ADAMTS20: variants seen among roughly 807,000 people sequenced by gnomAD.
ADAMTS20 encodes ADAM metallopeptidase with thrombospondin type 1 motif 20, also known as A disintegrin and metalloproteinase with thrombospondin motifs 20.
A neutral mutation model predicts 260.1 loss-of-function variants in ADAMTS20; 225 were observed. That is an observed-to-expected ratio of 0.87 (90% CI 0.78 to 0.97). The LOEUF (loss-of-function observed/expected upper bound fraction) is 0.97. Among genes scored for constraint, ADAMTS20 ranks in the 50% least tolerant of loss-of-function variants. The pLI, the probability that ADAMTS20 is intolerant of heterozygous loss-of-function variation, is 0.00. For missense variants in ADAMTS20, 2,400 were observed against 2,337.7 expected (o/e 1.03, Z -0.55); for synonymous variants, 802 against 769.5 (o/e 1.04, Z -0.70).
chr12:43,411,840 TTAAAAA>T (rs1413209794), intron 28 of ADAMTS20, among the ~76,000 whole-genome samples: 1 of 152,164 alleles, frequency 6.6e-6, no homozygotes, highest in Non-Finnish European at 1.5e-5. Context: ...CATTTTGACT[TTAAAAA>T]TAACTATGTA....
intron 10 of ADAMTS20, among the ~76,000 whole-genome samples, chr12:43,464,070 A>G (rs1942111005): frequency 1.3e-5 from 2 of 152,282 alleles, no homozygotes; most frequent in South Asian, 4.1e-4. Context: ...AGGATCAACT[A>G]TTTCAATGAC....
intron 13 of ADAMTS20, 25 bp downstream of exon 13, chr12:43,452,489 C>A (rs1162667877): frequency 6.2e-7 from 1 of 1,605,094 alleles, no homozygotes; most frequent in Non-Finnish European, 8.5e-7. Flanking sequence ...AAATTTACAT[C>A]AAAGAACCAG....
chr12:43,534,491 ATT>A (rs1310650405), intron 2 of ADAMTS20, among the ~76,000 whole-genome samples: 5 of 152,160 alleles, frequency 3.3e-5, no homozygotes, highest in Admixed American at 6.6e-5. Flanking sequence ...TATACCATAC[ATT>A]TGCATGTGTG....
intron 18 of ADAMTS20, among the ~76,000 whole-genome samples, chr12:43,435,101 C>T (rs933180835): frequency 1.3e-5 from 2 of 152,130 alleles, no homozygotes; most frequent in Non-Finnish European, 2.9e-5. Context: ...TTGGTGAATA[C>T]ATGTCACTAT....
Position 43,383,833 on chromosome 12 carries a change from G to A in ADAMTS20, c.4597C>T (p.His1533Tyr). 6.2e-7 allele frequency: 1 copy of A among 1,613,858 alleles called. No homozygotes were observed. The highest frequency in any genetic ancestry group is 8.5e-7 in the Non-Finnish European group (1 of 1,179,838). ...AGCCTCCCTCTTTCCATCCCCTTGT[G>A]CTGCACACAGTCCTGACTCCAACAT... ...RRCWSQDCVQ[H>Y]KGMERGRLNC... The change falls in exon 30 of 39, where the codon CAC (histidine) becomes TAC (tyrosine). Residue 1533 changes from histidine to tyrosine, a missense_variant. Physicochemically the swap from His to Tyr is moderately conservative, Grantham distance 83 (BLOSUM62 2). Coordinates refer to ENST00000389420, the MANE Select transcript of ADAMTS20 (RefSeq NM_025003.5).
chr12:43,517,753 G>T (rs548684387), intron 3 of ADAMTS20, among the ~76,000 whole-genome samples: 2 of 152,074 alleles, frequency 1.3e-5, no homozygotes, highest in African/African-American at 4.8e-5. Flanking sequence ...TGAAGTCAAA[G>T]GCTTCCTCCA....
At chr12:43,384,469 A>T (rs1464976768) in intron 29 of ADAMTS20, among the ~76,000 whole-genome samples, 2 of 152,008 alleles carry the variant, frequency 1.3e-5, no homozygotes, top group Non-Finnish European at 1.5e-5. Flanking sequence ...AATTTTTTTT[A>T]ATACTTTAAG....
rs900493743 is a variant in ADAMTS20 at position 43,477,765 on chromosome 12, C to T, written c.1118-9060G>A. On this transcript the variant is annotated intron_variant, in intron 7 of 38. Coordinates refer to ENST00000389420, the MANE Select transcript of ADAMTS20 (RefSeq NM_025003.5). ...AAGCAATGAATAATAAGGATAGATGCTATTCTGAGGGCAAATACTGATAAA... is the reference window on the plus strand; with the variant it reads ...AAGCAATGAATAATAAGGATAGATGTTATTCTGAGGGCAAATACTGATAAA... Among the ~76,000 whole-genome samples the T allele has an allele frequency of 5.9e-5, 9 of 152,060 alleles. No individual in the cohort carries two copies. The South Asian group carries it at 6.2e-4, about 10-fold the overall frequency.
At chr12:43,505,239 T>C (rs1324997949) in intron 3 of ADAMTS20, among the ~76,000 whole-genome samples, 3 of 152,114 alleles carry the variant, frequency 2.0e-5, no homozygotes, top group African/African-American at 7.2e-5. Context: ...CAGTGATTTA[T>C]TGGATATGGC....
At chr12:43,498,194 G>A (rs1202135649) in intron 4 of ADAMTS20, among the ~76,000 whole-genome samples, 1 of 152,090 alleles carries the variant, frequency 6.6e-6, no homozygotes, top group East Asian at 1.9e-4. Context: ...CTTTAAGTAA[G>A]AAGGGTCTCT....
At chr12:43,403,522 T>A (rs1940853265) in intron 28 of ADAMTS20, among the ~76,000 whole-genome samples, 1 of 152,070 alleles carries the variant, frequency 6.6e-6, no homozygotes, top group East Asian at 1.9e-4. Context: ...GAAAAGTAAC[T>A]ATTACACTAG....
chr12:43,430,358 G>A lies in ADAMTS20; in HGVS notation c.3375C>T (p.Asp1125=). 3 of 1,611,608 alleles carry A rather than the reference G, an allele frequency of 1.9e-6. No homozygotes were observed. The highest frequency in any genetic ancestry group is 1.7e-6 in the Non-Finnish European group (2 of 1,178,678). ...AAACCATGATTCTTTTTACCTGTCT[G>A]TCACTGGGGCGACTAGCTTCATGGC... ...TECHEASRPS[D]RQSCVLTPCS... Residue 1125 remains aspartate (D), a synonymous_variant, in exon 23 of 39, where the codon GAC becomes GAT. Transcript: ENST00000389420.
chr12:43,453,977 G>C lies in ADAMTS20; in HGVS notation c.1690C>G (p.Pro564Ala), dbSNP rs370835544. The change falls in exon 12 of 39, where the codon CCT becomes GCT. Residue 564 changes from proline (P) to alanine (A), a missense_variant. Coordinates refer to ENST00000389420, the MANE Select transcript of ADAMTS20 (RefSeq NM_025003.5). ...PVNGEWGPWE[P>A]YSSCSRTCGG... ...CATGTTCTTGAACAAGAACTGTAAG[G>C]TTCCCATGGTCCCCATTCACCATTT... 3.8e-5 allele frequency: 61 copies of C among 1,613,404 alleles called. No individual in the cohort carries two copies. Among genetic ancestry groups the C allele is most frequent in the Non-Finnish European group, 5.0e-5 (59 of 1,179,726 alleles).
At position 43,527,839 on chromosome 12, in the gene ADAMTS20, A is replaced by G. The variant is rs561155868; in HGVS notation, c.613+4197T>C. Among the ~76,000 whole-genome samples the G allele has an allele frequency of 1.3e-5, 2 of 152,212 alleles. 1 individual carries two copies. The highest frequency in any genetic ancestry group is 4.8e-5 in the African/African-American group (2 of 41,572). ...TATAATACTGGAAATCCTAGGCAGA[A>G]CAATCAGGCAAGAGAAAGAAATAAA... On this transcript the variant is annotated intron_variant, in intron 3 of 38. Coordinates refer to ENST00000389420, the MANE Select transcript of ADAMTS20 (RefSeq NM_025003.5).
chr12:43,390,167 C>T (rs550399671), intron 29 of ADAMTS20, among the ~76,000 whole-genome samples: 1 of 152,170 alleles, frequency 6.6e-6, no homozygotes, highest in Non-Finnish European at 1.5e-5. Flanking sequence ...GCACTCTGGG[C>T]CTATGCAATC....
chr12:43,512,669 G>A (rs1942941780), intron 3 of ADAMTS20, among the ~76,000 whole-genome samples: 1 of 152,102 alleles, frequency 6.6e-6, no homozygotes, highest in African/African-American at 2.4e-5. Context: ...CTTGCCAGTG[G>A]CCAGCTGAAA....
Position 43,530,880 on chromosome 12 carries a change from GA to G in ADAMTS20, c.613+1155del, listed in dbSNP as rs573931795. ...AATCTTCAGTAGTCTAAATTTTATA[GA>G]AAAAAATGATGAAAATATACCTCTC... On this transcript the variant is annotated intron_variant, in intron 3 of 38. Transcript: ENST00000389420. Among the ~76,000 whole-genome samples the G allele has an allele frequency of 2.0e-3, 299 of 151,674 alleles. 1 individual carries two copies. The highest frequency in any genetic ancestry group is 9.7e-4 in the East Asian group (5 of 5,172).
At chr12:43,469,620 C>CA (rs146256300) in intron 7 of ADAMTS20, among the ~76,000 whole-genome samples, 11,083 of 151,622 alleles carry the variant, frequency 0.073, 1,047 homozygotes, top group African/African-American at 0.22. Context: ...CTTCCTTTCA[C>CA]AAAAAAAAGA....
At chr12:43,354,357 A>G (rs999012851) in intron 38 of ADAMTS20, 59 bp from the exon 39 acceptor site, 1 of 1,281,766 alleles carries the variant, frequency 7.8e-7, no homozygotes, top group Admixed American at 2.1e-5. Flanking sequence ...CTGTATGCAA[A>G]TAGCAGAAAA....
Sources: allele counts gnomAD v4.1 joint callset (sites outside exome capture counted in the v4.1 genomes callset), GRCh38; gene constraint gnomAD v4.1.1; transcripts MANE v1.5; gene names NCBI Gene and HGNC (gene_info 2026-07-23, HGNC 2026-07-21).